Variants in SLC15A4 observed in about 807,000 individuals in gnomAD.
SLC15A4 encodes the protein solute carrier family 15 member 4, also known as hPHT1.
SLC15A4 carries 26 observed loss-of-function variants against 46.1 expected under a neutral mutation model. The ratio of observed to expected loss-of-function variants is 0.56; its 90% CI spans 0.41 to 0.78. SLC15A4 has a LOEUF of 0.78. SLC15A4 is among the 30% of genes least tolerant of loss of function. The probability of loss-of-function intolerance (pLI) is 0.00; values close to 1 mark genes in which losing one functional copy is unlikely to be tolerated. For missense variants in SLC15A4, 751 were observed against 755.7 expected (o/e 0.99, Z 0.07); for synonymous variants, 370 against 333.4 (o/e 1.11, Z -1.20).
chr12:128,822,376 G>A (rs1955857109), intron 1 of SLC15A4, among the ~76,000 whole-genome samples: 1 of 152,144 alleles, frequency 6.6e-6, no homozygotes, highest in African/African-American at 2.4e-5. Flanking sequence ...CTTTGTAAAG[G>A]AAGCTAAGGC....
At chr12:128,813,983 T>C (rs537453077) in intron 2 of SLC15A4, 1 of 155,192 alleles carries the variant, frequency 6.4e-6, no homozygotes, top group Non-Finnish European at 1.5e-5. Flanking sequence ...CTGGACTTTA[T>C]TAACTGGCAT....
In SLC15A4 at chr12:128,794,092, G is replaced by A; in HGVS notation, c.*104C>T. The A allele has an allele frequency of 8.7e-7, 1 of 1,143,954 alleles. No individual in the cohort carries two copies. Among genetic ancestry groups the A allele is most frequent in the Non-Finnish European group, 1.2e-6 (1 of 807,694 alleles). 70.9% of individuals were successfully genotyped at this position (1,143,954 alleles called of 1,614,324 possible). A position where few individuals can be genotyped will look rare whatever the true frequency, so the allele number is the denominator to read the frequency against. On this transcript the variant is annotated 3_prime_UTR_variant, in exon 8 of 8. Transcript: ENST00000266771. The stretch of plus-strand genomic sequence containing the variant: ...ATCCAGGCAACATGCAAGTTTCAGT[G>A]AAGTCAGACATTTTATGGGAATTTA...
At chr12:128,801,133 T>G (rs1289141474) in intron 5 of SLC15A4, 124 bp from the exon 6 acceptor site, 2 of 871,696 alleles carry the variant, frequency 2.3e-6, no homozygotes, top group Non-Finnish European at 3.4e-6. Flanking sequence ...GGACCACGTC[T>G]AATCACAGCT....
At chr12:128,818,614 T>C (rs1224671324) in intron 1 of SLC15A4, among the ~76,000 whole-genome samples, 1 of 152,180 alleles carries the variant, frequency 6.6e-6, no homozygotes, top group African/African-American at 2.4e-5. Flanking sequence ...CCTTCAAATG[T>C]TTTTTCACTA....
rs555505382 is a variant in SLC15A4 at position 128,807,560 on chromosome 12, G to A, written c.1258+1228C>T. On this transcript the variant is annotated intron_variant, in intron 5 of 7. Coordinates refer to ENST00000266771, the MANE Select transcript of SLC15A4 (RefSeq NM_145648.4). ...GGTCTGAGGCCAAAGCTGAGCCTGC[G>A]CTTTGGGGAGGTAGGACAGGCAGGC... 9.2e-5 allele frequency among the ~76,000 whole-genome samples: 14 copies of A among 152,314 alleles called. No individual in the cohort carries two copies. The East Asian group carries it at 2.7e-3, about 29-fold the overall frequency.
intron 5 of SLC15A4, among the ~76,000 whole-genome samples, chr12:128,804,187 C>T (rs1431330005): frequency 6.6e-6 from 1 of 152,188 alleles, no homozygotes; most frequent in Non-Finnish European, 1.5e-5. Flanking sequence ...GCCATAATCT[C>T]TCCTGACTCA....
intron 5 of SLC15A4, among the ~76,000 whole-genome samples, chr12:128,806,189 C>T (rs964541418): frequency 1.9e-5 from 2 of 103,980 alleles, no homozygotes; most frequent in Admixed American, 1.9e-4. Flanking sequence ...AAAAGAAAAA[C>T]CTATTACAAA....
intron 6 of SLC15A4, 26 bp downstream of exon 6, chr12:128,800,828 A>G (rs1388686100): frequency 1.9e-6 from 3 of 1,591,864 alleles, no homozygotes; most frequent in South Asian, 2.3e-5. Flanking sequence ...CTGGACTCAG[A>G]CACCTCCGGC....
intron 7 of SLC15A4, among the ~76,000 whole-genome samples, chr12:128,795,029 G>A (rs1307036496): frequency 3.3e-5 from 5 of 152,128 alleles, no homozygotes; most frequent in Non-Finnish European, 5.9e-5. Context: ...AGGCAGATGC[G>A]AAGATAACAA....
chr12:128,823,283 C>G, intron 1 of SLC15A4, 115 bp downstream of exon 1: 1 of 1,060,708 alleles, frequency 9.4e-7, no homozygotes. Flanking sequence ...GACAGAAGCC[C>G]CCCGGGGCAA....
At chr12:128,801,092 T>C (rs1313127919) in intron 5 of SLC15A4, 83 bp from the exon 6 acceptor site, 1 of 1,304,738 alleles carries the variant, frequency 7.7e-7, no homozygotes, top group South Asian at 1.4e-5. Flanking sequence ...GCTACGAGAC[T>C]TCGTAGCAAA....
At chr12:128,799,453 G>C (rs1215798245) in intron 6 of SLC15A4, 36 bp from the exon 7 acceptor site, 3 of 1,611,556 alleles carry the variant, frequency 1.9e-6, no homozygotes, top group South Asian at 2.2e-5. Flanking sequence ...TTTTGTGAAA[G>C]GGGCACTTTA....
At chr12:128,808,993 C>A in intron 4 of SLC15A4, 37 bp from the exon 5 acceptor site, 1 of 1,585,116 alleles carries the variant, frequency 6.3e-7, no homozygotes, top group Non-Finnish European at 8.6e-7. Flanking sequence ...TTACTCCCCG[C>A]AATACAGGCC....
chr12:128,814,620 C>A (rs1170553584), intron 2 of SLC15A4, 155 bp downstream of exon 2: 2 of 756,012 alleles, frequency 2.6e-6, no homozygotes, highest in East Asian at 5.2e-5. Flanking sequence ...GCACCCGCCT[C>A]CTTGGGGAAA....
At chr12:128,820,962 G>A (rs939788251) in intron 1 of SLC15A4, among the ~76,000 whole-genome samples, 1 of 152,176 alleles carries the variant, frequency 6.6e-6, no homozygotes, top group African/African-American at 2.4e-5. Flanking sequence ...GCTTGGGGCT[G>A]TCACAGGAGT....
chr12:128,806,331 A>G (rs2170988), intron 5 of SLC15A4, among the ~76,000 whole-genome samples: 2 of 152,116 alleles, frequency 1.3e-5, no homozygotes, highest in East Asian at 3.9e-4. Flanking sequence ...AACGTCACTA[A>G]TAACGTGTTA....
Position 128,800,918 on chromosome 12 carries a change from C to G in SLC15A4, c.1350G>C (p.Ser450=). ...AGTACTGCGGCACCTGCCACCACAG[C>G]GACAGATCGGCAGCATGGTAGACGA... ...GNVVYHAADL[S]LWWQVPQYLL... The change falls in exon 6 of 8, where the codon TCG becomes TCC. Residue 450 remains serine (S), a synonymous_variant. Transcript: ENST00000266771. The G allele has an allele frequency of 6.2e-7, 1 of 1,614,072 alleles. No individual in the cohort carries two copies. Among genetic ancestry groups the G allele is most frequent in the East Asian group, 2.2e-5 (1 of 44,868 alleles).
chr12:128,814,254 TGTATGATGGACCTGACC>T (rs1955711266), intron 2 of SLC15A4: 1 of 70,928 alleles, frequency 1.4e-5, no homozygotes, highest in Non-Finnish European at 3.1e-5. Flanking sequence ...ACCTGACCGC[TGTATGATGGACCTGACC>T]GCCGTATGAT....
chr12:128,823,536 C>G lies in SLC15A4; in HGVS notation c.408G>C (p.Ala136=), dbSNP rs1443262412. 6.8e-6 allele frequency: 10 copies of G among 1,465,072 alleles called. No individual in the cohort carries two copies. In the South Asian group the frequency reaches 1.3e-4, roughly 19 times the overall value. 90.8% of individuals were successfully genotyped at this position (1,465,072 alleles called of 1,614,324 possible). A position where few individuals can be genotyped will look rare whatever the true frequency, so the allele number is the denominator to read the frequency against. Residue 136 remains alanine (A), a synonymous_variant, in exon 1 of 8, where the codon GCG becomes GCC. Coordinates refer to ENST00000266771, the MANE Select transcript of SLC15A4 (RefSeq NM_145648.4). The part of the protein sequence containing the change: ...PATRAALCGS[A]RLLNCTAPGP... ...CAGGCGCCGTGCAGTTGAGCAGGCG[C>G]GCGGAACCGCAGAGCGCGGCTCGCG...
Sources: allele counts gnomAD v4.1 joint callset (sites outside exome capture counted in the v4.1 genomes callset), GRCh38; gene constraint gnomAD v4.1.1; transcripts MANE v1.5; gene names NCBI Gene and HGNC (gene_info 2026-07-23, HGNC 2026-07-21).